The following MDGA2 variants were observed in gnomAD, a reference collection of about 807,000 sequenced individuals.
MDGA2 encodes the protein MAM domain-containing glycosylphosphatidylinositol anchor protein 2.
A neutral mutation model predicts 117.8 loss-of-function variants in MDGA2; 40 were observed. That is an observed-to-expected ratio of 0.34 (90% confidence interval 0.26 to 0.44). The LOEUF (loss-of-function observed/expected upper bound fraction) is 0.44. MDGA2 is among the 20% of genes least tolerant of loss of function. The pLI is 1.00. For synonymous variants in MDGA2, 452 were observed against 439.0 expected, an observed-to-expected ratio of 1.03 and a Z score of -0.37; for missense variants, 1,123 against 1,250.6, an observed-to-expected ratio of 0.90 and a Z score of 1.54.
chr14:46,916,142 G>A (rs1163360079), intron 10 of MDGA2, among the ~76,000 whole-genome samples: 3 of 152,122 alleles, frequency 2.0e-5, no homozygotes, highest in African/African-American at 7.2e-5. Context: ...TGGGCAGCCA[G>A]GGTTAACACT....
intron 1 of MDGA2, among the ~76,000 whole-genome samples, chr14:47,535,205 C>A (rs1202441842): frequency 1.3e-5 from 2 of 151,866 alleles, no homozygotes; most frequent in African/African-American, 4.8e-5. Context: ...TACACAATTT[C>A]TTTCATATAA....
At chr14:46,856,065 T>C (rs987789296) in intron 14 of MDGA2, among the ~76,000 whole-genome samples, 1 of 152,076 alleles carries the variant, frequency 6.6e-6, no homozygotes, top group Non-Finnish European at 1.5e-5. Context: ...GAATTAATCC[T>C]CTCAACAATC....
intron 1 of MDGA2, among the ~76,000 whole-genome samples, chr14:47,643,225 T>G (rs1049881042): frequency 1.3e-5 from 2 of 152,076 alleles, no homozygotes; most frequent in African/African-American, 2.4e-5. Flanking sequence ...AGCAAAAAAT[T>G]TTTAAAAGGA....
intron 10 of MDGA2, among the ~76,000 whole-genome samples, chr14:46,904,496 CA>C (rs1286086616): frequency 1.3e-5 from 2 of 151,984 alleles, no homozygotes; most frequent in Admixed American, 1.3e-4. Flanking sequence ...GTCGAATCTA[CA>C]AAAGAATATG....
intron 1 of MDGA2, among the ~76,000 whole-genome samples, chr14:47,464,949 CTA>C (rs1440695757): frequency 2.0e-5 from 3 of 152,118 alleles, no homozygotes; most frequent in Admixed American, 2.0e-4. Flanking sequence ...AAACTTCAAA[CTA>C]TACTAAAGGG....
At chr14:47,415,371 C>A (rs1892453461) in intron 1 of MDGA2, among the ~76,000 whole-genome samples, 1 of 152,118 alleles carries the variant, frequency 6.6e-6, no homozygotes, top group African/African-American at 2.4e-5. Flanking sequence ...GATATCTACA[C>A]ATATTCACAA....
At chr14:47,654,868 T>C (rs1377120490) in intron 1 of MDGA2, among the ~76,000 whole-genome samples, 1 of 152,068 alleles carries the variant, frequency 6.6e-6, no homozygotes, top group Non-Finnish European at 1.5e-5. Context: ...TGTATATGAA[T>C]TGATTCTAAG....
rs112892512 is a variant in MDGA2 at position 47,473,490 on chromosome 14, C to G, written c.281-171940G>C. 2.7e-4 allele frequency among the ~76,000 whole-genome samples: 41 copies of G among 151,874 alleles called. 1 individual carries two copies. The highest frequency in any genetic ancestry group is 9.7e-4 in the African/African-American group (40 of 41,408). ...AAATGAAATTTTTTAAAAACAAAGG[C>G]AGAAGTAAAAAAGAGAAGCACCAAT... On this transcript the variant is annotated intron_variant, in intron 1 of 16. Coordinates refer to ENST00000399232, the MANE Select transcript of MDGA2 (RefSeq NM_001113498.3).
chr14:47,651,750 A>G (rs59199158), intron 1 of MDGA2, among the ~76,000 whole-genome samples: 14,182 of 152,152 alleles, frequency 0.093, 678 homozygotes, highest in Non-Finnish European at 0.11. Flanking sequence ...GGTACATCTG[A>G]GATCTATTTT....
At chr14:47,363,616 T>C (rs1391281605) in intron 1 of MDGA2, among the ~76,000 whole-genome samples, 1 of 152,136 alleles carries the variant, frequency 6.6e-6, no homozygotes, top group African/African-American at 2.4e-5. Flanking sequence ...CTTCTGCTCA[T>C]TGAATTATAA....
chr14:46,867,225 A>C (rs1391086063), intron 14 of MDGA2, among the ~76,000 whole-genome samples: 2 of 152,232 alleles, frequency 1.3e-5, no homozygotes, highest in South Asian at 2.1e-4. Flanking sequence ...AAAAATGATG[A>C]GTTCATGTAC....
Position 47,361,825 on chromosome 14 carries a change from G to A in MDGA2, c.281-60275C>T, listed in dbSNP as rs376802296. On this transcript the variant is annotated intron_variant, in intron 1 of 16. Transcript: ENST00000399232. ...ATGAGAAAGTTTTCACCAGAATATA[G>A]GAAAATTAGAATCATATAAGGATAT... is the stretch of plus-strand genomic sequence containing the variant. 5.3e-4 allele frequency among the ~76,000 whole-genome samples: 80 copies of A among 152,082 alleles called. No homozygotes were observed. In the South Asian group the frequency reaches 0.016, roughly 31 times the overall value.
chr14:47,612,193 TAG>T (rs1215528348), intron 1 of MDGA2, among the ~76,000 whole-genome samples: 1 of 145,054 alleles, frequency 6.9e-6, no homozygotes, highest in Non-Finnish European at 1.5e-5. Flanking sequence ...TCAAATGTGA[TAG>T]ATAGATAGAT....
intron 6 of MDGA2, among the ~76,000 whole-genome samples, chr14:47,065,806 C>G (rs1202194508): frequency 6.6e-6 from 1 of 152,082 alleles, no homozygotes; most frequent in Non-Finnish European, 1.5e-5. Flanking sequence ...ATGTAAGATA[C>G]AGAGTGACCA....
chr14:47,062,783 A>G (rs1889938319), intron 6 of MDGA2, among the ~76,000 whole-genome samples: 1 of 152,066 alleles, frequency 6.6e-6, no homozygotes, highest in African/African-American at 2.4e-5. Flanking sequence ...CACTATAAAA[A>G]TCTATAGAAT....
At chr14:47,367,900 G>A (rs549408218) in intron 1 of MDGA2, among the ~76,000 whole-genome samples, 1 of 152,182 alleles carries the variant, frequency 6.6e-6, no homozygotes, top group African/African-American at 2.4e-5. Flanking sequence ...TTTTCCAAAG[G>A]CAAAGTGTTC....
At chr14:47,092,031 A>G (rs1420613647) in intron 6 of MDGA2, among the ~76,000 whole-genome samples, 1 of 152,190 alleles carries the variant, frequency 6.6e-6, no homozygotes, top group Admixed American at 6.6e-5. Flanking sequence ...ATGTATGGGT[A>G]TATTTATTAA....
Position 47,099,518 on chromosome 14 carries a change from A to G in MDGA2, c.926-2395T>C, listed in dbSNP as rs1052086117. On this transcript the variant is annotated intron_variant, in intron 5 of 16. Transcript: ENST00000399232. ...TATAGGTTAGTCATTCTCTTCTTAT[A>G]GGTTTCCATAGCTACCCCTGCCAGT... Among the ~76,000 whole-genome samples, 3 of 152,138 alleles carry G rather than the reference A, an allele frequency of 2.0e-5. No homozygotes were observed. The East Asian group carries it at 5.8e-4, about 29-fold the overall frequency.
At chr14:47,194,181 T>C (rs1395174262) in intron 3 of MDGA2, among the ~76,000 whole-genome samples, 1 of 152,164 alleles carries the variant, frequency 6.6e-6, no homozygotes, top group African/African-American at 2.4e-5. Flanking sequence ...GCAACAATGC[T>C]CTTAAATACT....
Sources: allele counts gnomAD v4.1 joint callset (sites outside exome capture counted in the v4.1 genomes callset), GRCh38; gene constraint gnomAD v4.1.1; transcripts MANE v1.5; gene names NCBI Gene and HGNC (gene_info 2026-07-23, HGNC 2026-07-21).